The following CTNNA1 variants were observed in gnomAD, a reference collection of about 807,000 sequenced individuals.
CTNNA1 encodes the protein catenin alpha 1, also known as catenin alpha-1.
CTNNA1 carries 37 observed loss-of-function variants against 98.4 expected under a neutral mutation model. The ratio of observed to expected loss-of-function variants is 0.38; its 90% CI spans 0.29 to 0.49. CTNNA1 has a LOEUF of 0.49. Among genes scored for constraint, CTNNA1 ranks in the 20% least tolerant of loss-of-function variants. The pLI is 0.95. For missense variants in CTNNA1, 761 were observed against 1,147.2 expected, an observed-to-expected ratio of 0.66 and a Z score of 4.86; for synonymous variants, 404 against 413.2, an observed-to-expected ratio of 0.98 and a Z score of 0.27.
chr5:138,878,671 G>A (rs1417113404), intron 7 of CTNNA1, among the ~76,000 whole-genome samples: 2 of 152,168 alleles, frequency 1.3e-5, no homozygotes, highest in South Asian at 2.1e-4. Context: ...TTGCTGATTA[G>A]GGAGAGTTAT....
chr5:138,803,586 G>A (rs528073561), intron 3 of CTNNA1, among the ~76,000 whole-genome samples: 1 of 152,080 alleles, frequency 6.6e-6, no homozygotes, highest in South Asian at 2.1e-4. Context: ...GGCTTCCTTG[G>A]CCTTCCATAA....
chr5:138,892,283 T>C (rs1305536461), intron 9 of CTNNA1, among the ~76,000 whole-genome samples: 1 of 148,300 alleles, frequency 6.7e-6, no homozygotes, highest in Non-Finnish European at 1.5e-5. Flanking sequence ...GGATGTGATA[T>C]AGAAAAAGAA....
intron 7 of CTNNA1, among the ~76,000 whole-genome samples, chr5:138,867,565 G>A (rs1764903888): frequency 6.6e-6 from 1 of 152,070 alleles, no homozygotes; most frequent in Non-Finnish European, 1.5e-5. Flanking sequence ...CCTCCCACCT[G>A]TGATACTTAT....
chr5:138,785,888 C>T (rs181648365), intron 3 of CTNNA1, among the ~76,000 whole-genome samples: 86 of 152,318 alleles, frequency 5.6e-4, no homozygotes, highest in Non-Finnish European at 9.8e-4. Context: ...GCCAGTGCGC[C>T]TGGCCACATT....
intron 8 of CTNNA1, among the ~76,000 whole-genome samples, chr5:138,887,076 A>C (rs975740691): frequency 1.3e-5 from 2 of 152,152 alleles, no homozygotes; most frequent in African/African-American, 4.8e-5. Context: ...CTTTCAGATA[A>C]GCCAGATAAC....
intron 7 of CTNNA1, among the ~76,000 whole-genome samples, chr5:138,831,467 A>T (rs550916155): frequency 4.6e-5 from 7 of 151,530 alleles, no homozygotes; most frequent in Non-Finnish European, 7.4e-5. Flanking sequence ...GTGTCTCCTC[A>T]CTTTCTCCAT....
At chr5:138,782,193 C>A in intron 2 of CTNNA1, 164 bp downstream of exon 2, 1 of 701,806 alleles carries the variant, frequency 1.4e-6, no homozygotes. Flanking sequence ...GTTTAGTTAA[C>A]CCTTGAGAAC....
chr5:138,904,089 A>G (rs1758650213), intron 9 of CTNNA1, among the ~76,000 whole-genome samples: 1 of 152,252 alleles, frequency 6.6e-6, no homozygotes, highest in Non-Finnish European at 1.5e-5. Context: ...CATGCAAAGC[A>G]TGTGAGTTAC....
intron 7 of CTNNA1, chr5:138,869,048 C>T (rs1264853109): frequency 1.3e-5 from 2 of 150,678 alleles, no homozygotes; most frequent in African/African-American, 4.9e-5. Flanking sequence ...CCCATCTGCC[C>T]ACCTCCCACC....
In CTNNA1 at chr5:138,801,017, A is replaced by G. The variant is rs147035898; in HGVS notation, c.302-9021A>G. ...TGTTTTGAGTGTTGTACTAAACATG[A>G]TGAATGAGAACTACGAATGATCACT... On this transcript the variant is annotated intron_variant, in intron 3 of 17. Coordinates refer to ENST00000302763, the MANE Select transcript of CTNNA1 (RefSeq NM_001903.5). 3.2e-3 allele frequency among the ~76,000 whole-genome samples: 489 copies of G among 152,328 alleles called. 8 individuals are homozygous for G. Among genetic ancestry groups the G allele is most frequent in the Non-Finnish European group, 2.9e-3 (195 of 68,024 alleles).
chr5:138,794,052 C>G (rs1332200543), intron 3 of CTNNA1, among the ~76,000 whole-genome samples: 2 of 125,542 alleles, frequency 1.6e-5, no homozygotes, highest in Non-Finnish European at 1.6e-5. Flanking sequence ...GAGTCTTGCT[C>G]TGTCGCCCAG....
chr5:138,887,873 C>T, intron 9 of CTNNA1: 1 of 358,634 alleles, frequency 2.8e-6, no homozygotes, highest in Non-Finnish European at 5.0e-6. Context: ...AGAAGCCTAA[C>T]ATCTCCACTT....
chr5:138,826,796 C>T (rs1760764114), intron 6 of CTNNA1, among the ~76,000 whole-genome samples: 1 of 152,162 alleles, frequency 6.6e-6, no homozygotes, highest in Non-Finnish European at 1.5e-5. Context: ...TATGTGTGCG[C>T]ACACGTGTAT....
At chr5:138,849,201 T>A (rs770833784) in intron 7 of CTNNA1, among the ~76,000 whole-genome samples, 3 of 152,252 alleles carry the variant, frequency 2.0e-5, no homozygotes, top group Non-Finnish European at 4.4e-5. Context: ...GACTGTTTAT[T>A]TGAATACTGT....
At chr5:138,760,664 C>G (rs1752256267) in intron 1 of CTNNA1, among the ~76,000 whole-genome samples, 2 of 152,210 alleles carry the variant, frequency 1.3e-5, no homozygotes, top group African/African-American at 2.4e-5. Context: ...CCACGTCTGA[C>G]CTATCCATTC....
At chr5:138,845,620 C>A (rs139387285) in intron 7 of CTNNA1, among the ~76,000 whole-genome samples, 134 of 152,288 alleles carry the variant, frequency 8.8e-4, no homozygotes, top group African/African-American at 3.2e-3. Context: ...GGACATACTT[C>A]AGAGTTTTGA....
At chr5:138,772,014 T>G (rs1322745360) in intron 1 of CTNNA1, among the ~76,000 whole-genome samples, 2 of 152,258 alleles carry the variant, frequency 1.3e-5, no homozygotes, top group African/African-American at 4.8e-5. Context: ...AGACACATTT[T>G]AAGCATGATT....
chr5:138,792,202 A>G (rs1756455199), intron 3 of CTNNA1, among the ~76,000 whole-genome samples: 1 of 152,204 alleles, frequency 6.6e-6, no homozygotes, highest in South Asian at 2.1e-4. Context: ...ACACACATGT[A>G]TGTGTATGTG....
intron 3 of CTNNA1, among the ~76,000 whole-genome samples, chr5:138,792,602 T>C (rs1370911578): frequency 2.0e-5 from 3 of 152,086 alleles, no homozygotes; most frequent in African/African-American, 7.2e-5. Flanking sequence ...ATTGTGTGGG[T>C]GTGTGTGAGA....
Sources: gnomAD v4.1 joint callset for allele counts (sites outside exome capture counted in the v4.1 genomes callset) on GRCh38, gnomAD v4.1.1 for gene constraint, MANE v1.5 for transcripts, NCBI Gene and HGNC (gene_info 2026-07-23, HGNC 2026-07-21) for gene names.